The following CACNA1E variants were observed in gnomAD, a reference collection of about 807,000 sequenced individuals.
CACNA1E encodes the protein voltage-dependent R-type calcium channel subunit alpha-1E.
Under a neutral mutation model 259.2 loss-of-function variants are expected in CACNA1E, and 40 were observed. That is an observed-to-expected ratio of 0.15 (90% CI 0.12 to 0.20). The LOEUF is 0.20. Ranked by LOEUF, CACNA1E falls within the 10% of genes least tolerant of loss-of-function variation. The probability of loss-of-function intolerance (pLI) is 1.00; values close to 1 mark genes in which losing one functional copy is unlikely to be tolerated. For missense variants in CACNA1E, 1,874 were observed against 3,040.1 expected (o/e 0.62, Z 9.02); for synonymous variants, 1,104 against 1,138.5 (o/e 0.97, Z 0.61).
At chr1:181,469,081 C>T (rs554384972) in intron 2 of CACNA1E, among the ~76,000 whole-genome samples, 1 of 152,054 alleles carries the variant, frequency 6.6e-6, no homozygotes, top group East Asian at 1.9e-4. Flanking sequence ...AGATACTGTT[C>T]TAGGCATTGG....
chr1:181,606,961 C>A (rs1654295770), intron 6 of CACNA1E, among the ~76,000 whole-genome samples: 1 of 152,200 alleles, frequency 6.6e-6, no homozygotes, highest in Admixed American at 6.5e-5. Flanking sequence ...TCAGAAATCA[C>A]ACTCATGACC....
chr1:181,372,541 A>G (rs1017914946), intron 1 of CACNA1E, among the ~76,000 whole-genome samples: 1 of 152,158 alleles, frequency 6.6e-6, no homozygotes, highest in African/African-American at 2.4e-5. Context: ...TATCGTCTGC[A>G]AAGAGAGATA....
At chr1:181,712,385 G>A (rs2102432712) in intron 8 of CACNA1E, among the ~76,000 whole-genome samples, 1 of 152,292 alleles carries the variant, frequency 6.6e-6, no homozygotes, top group Non-Finnish European at 1.5e-5. Flanking sequence ...CAAAAGTGAG[G>A]TCACAGAGGA....
intron 2 of CACNA1E, among the ~76,000 whole-genome samples, chr1:181,437,526 A>G (rs1660175202): frequency 6.6e-6 from 1 of 152,158 alleles, no homozygotes; most frequent in Admixed American, 6.5e-5. Flanking sequence ...GTCTGCTCAC[A>G]AAAACTGCTC....
rs769793976 is a variant in CACNA1E at position 181,731,177 on chromosome 1, G to A, written c.2243G>A (p.Arg748Lys). ...ACCTGTCCATTTTTCTTCCCCAGAA[G>A]AGACAGAAGGAGAAGACACCACATG... ...MSAPNMPSIE[R>K]DRRRRHHMSM... The change falls in exon 19 of 48, where the codon AGA (arginine) becomes AAA (lysine). Residue 748 changes from arginine to lysine, a missense_variant and splice_region_variant. This residue lies in a region of CACNA1E where 476 missense variants were observed against 514.0 expected (regional missense o/e 0.93). Transcript: ENST00000367573. 1 of 1,613,594 alleles carries A rather than the reference G, an allele frequency of 6.2e-7. No homozygotes were observed. The highest frequency in any genetic ancestry group is 8.5e-7 in the Non-Finnish European group (1 of 1,179,526).
At chr1:181,425,709 C>T (rs886559944) in intron 2 of CACNA1E, among the ~76,000 whole-genome samples, 2 of 152,044 alleles carry the variant, frequency 1.3e-5, no homozygotes, top group African/African-American at 4.8e-5. Flanking sequence ...CCGCTCATAC[C>T]CCAGCCACAC....
chr1:181,667,103 T>C (rs1231048779), intron 7 of CACNA1E, among the ~76,000 whole-genome samples: 1 of 152,124 alleles, frequency 6.6e-6, no homozygotes, highest in Non-Finnish European at 1.5e-5. Context: ...TATTAATAAC[T>C]TCCAAAAACA....
chr1:181,798,776 T>C lies in CACNA1E; in HGVS notation c.6884T>C (p.Met2295Thr). The C allele has an allele frequency of 6.3e-7, 1 of 1,584,774 alleles. No homozygotes were observed. The change falls in exon 48 of 48, where the codon ATG (methionine) becomes ACG (threonine). Residue 2295 changes from methionine (M) to threonine (T), a missense_variant. Met to Thr is a moderately conservative substitution (Grantham distance 81, BLOSUM62 -1). Transcript: ENST00000367573. This position sits in a 1 kb window ranked among gnomAD's most constrained non-coding sequence, Gnocchi z 4.2. ...AGGCGCGGGGGGCCTGGGCCAGGCA[T>C]GATGTGTGGGGCTGTCAACAACCTG... ...RRRRGGPGPGMMCGAVNNLLS... is the reference protein window; with the variant it reads ...RRRRGGPGPGTMCGAVNNLLS...
At chr1:181,695,896 A>C (rs1448189914) in intron 7 of CACNA1E, among the ~76,000 whole-genome samples, 1 of 152,218 alleles carries the variant, frequency 6.6e-6, no homozygotes, top group Non-Finnish European at 1.5e-5. Context: ...CGGAGGTTGC[A>C]GTGAGTTGAG....
chr1:181,343,365 T>C (rs1009632357), intron 1 of CACNA1E, among the ~76,000 whole-genome samples: 1 of 152,176 alleles, frequency 6.6e-6, no homozygotes, highest in Non-Finnish European at 1.5e-5. Context: ...AGCTTAGTGC[T>C]GTCCTCATGA....
intron 1 of CACNA1E, among the ~76,000 whole-genome samples, chr1:181,318,927 C>T (rs1650136488): frequency 6.6e-6 from 1 of 152,118 alleles, no homozygotes; most frequent in Non-Finnish European, 1.5e-5. Context: ...AGTGGTTGTG[C>T]GTCCTTTCCC....
chr1:181,773,618 G>T (rs1659716184), intron 37 of CACNA1E, among the ~76,000 whole-genome samples: 1 of 152,160 alleles, frequency 6.6e-6, no homozygotes, highest in African/African-American at 2.4e-5. Context: ...TTTTTATTGA[G>T]TGGCCATTGT....
chr1:181,645,523 A>G (rs938284171), intron 6 of CACNA1E, among the ~76,000 whole-genome samples: 3 of 151,936 alleles, frequency 2.0e-5, no homozygotes, highest in Non-Finnish European at 4.4e-5. Context: ...TAATCTTTTC[A>G]CTGCCTTTCT....
In CACNA1E at chr1:181,686,515, G is replaced by A. The variant is rs537226607; in HGVS notation, c.1056-24439G>A. 5.3e-5 allele frequency among the ~76,000 whole-genome samples: 8 copies of A among 152,166 alleles called. No individual in the cohort carries two copies. The South Asian group carries it at 1.7e-3, about 32-fold the overall frequency. On this transcript the variant is annotated intron_variant, in intron 7 of 47. Coordinates refer to ENST00000367573, the MANE Select transcript of CACNA1E (RefSeq NM_001205293.3). The stretch of plus-strand genomic sequence containing the variant: ...TTGGTCAGGCTGGTCTCGAACTCCT[G>A]ACCTCAGGTGATCTGCCTGCAGCAG...
chr1:181,483,944 G>C lies in CACNA1E; in HGVS notation c.200G>C (p.Arg67Thr), dbSNP rs1427594736. 5.0e-6 allele frequency: 8 copies of C among 1,613,536 alleles called. No individual in the cohort carries two copies. Among genetic ancestry groups the C allele is most frequent in the Non-Finnish European group, 5.9e-6 (7 of 1,179,692 alleles). ...PVRQNCFTVN[R>T]SLFIFGEDNI... ...CGGCAGAACTGTTTCACCGTCAACA[G>C]ATCCCTGTTCATCTTCGGAGAAGAT... The change falls in exon 1 of 48, where the codon AGA becomes ACA. Residue 67 changes from arginine (R) to threonine (T), a missense_variant. Physicochemically the swap from Arg to Thr is moderately conservative, Grantham distance 71. Coordinates refer to ENST00000367573, the MANE Select transcript of CACNA1E (RefSeq NM_001205293.3).
chr1:181,603,485 A>G (rs1156556498), intron 6 of CACNA1E, among the ~76,000 whole-genome samples: 2 of 152,120 alleles, frequency 1.3e-5, no homozygotes, highest in Non-Finnish European at 2.9e-5. Context: ...GTGTGTGGAA[A>G]CGGACTTTTC....
At chr1:181,348,326 T>C (rs1652774167) in intron 1 of CACNA1E, among the ~76,000 whole-genome samples, 1 of 152,064 alleles carries the variant, frequency 6.6e-6, no homozygotes. Flanking sequence ...AGGTCGCATC[T>C]AAACTTAGAG....
In CACNA1E at chr1:181,785,584, A is replaced by C. The variant is rs960378217; in HGVS notation, c.5680-129A>C. The C allele has an allele frequency of 3.0e-5, 26 of 877,438 alleles. 1 individual carries two copies. The South Asian group carries it at 3.6e-4, about 12-fold the overall frequency. The allele number at this position is 877,438 out of a possible 1,614,324, so 54.4% of individuals were successfully genotyped here. On this transcript the variant is annotated intron_variant, in intron 42 of 47. Transcript: ENST00000367573. ...TGACGTGGAATTAGAAACCCAGTGG[A>C]TCGAAGGTTAAAATGGTCAAACAAG... is the stretch of plus-strand genomic sequence containing the variant.
chr1:181,603,490 CT>C (rs1653933749), intron 6 of CACNA1E, among the ~76,000 whole-genome samples: 1 of 152,092 alleles, frequency 6.6e-6, no homozygotes, highest in South Asian at 2.1e-4. Flanking sequence ...TGGAAACGGA[CT>C]TTTCATGAGG....
Sources: gnomAD v4.1 joint callset for allele counts (sites outside exome capture counted in the v4.1 genomes callset) on GRCh38, gnomAD v4.1.1 for gene constraint, gnomAD v4.1.1 regional missense constraint, Gnocchi (gnomAD v3.1) non-coding constraint, MANE v1.5 for transcripts, NCBI Gene and HGNC (gene_info 2026-07-23, HGNC 2026-07-21) for gene names.